The following HEATR5A variants were observed in gnomAD, a reference collection of about 807,000 sequenced individuals.
HEATR5A encodes the protein HEAT repeat containing 5A, also known as HEAT repeat-containing protein 5A.
Under a neutral mutation model 218.8 loss-of-function variants are expected in HEATR5A, and 178 were observed. That is an observed-to-expected ratio of 0.81 (90% CI 0.72 to 0.92). HEATR5A has a LOEUF of 0.92. Ranked by LOEUF, HEATR5A falls within the 40% of genes least tolerant of loss-of-function variation. The probability of loss-of-function intolerance (pLI) is 0.00; values close to 1 mark genes in which losing one functional copy is unlikely to be tolerated. For synonymous variants in HEATR5A, 864 were observed against 871.6 expected, an observed-to-expected ratio of 0.99 and a Z score of 0.15; for missense variants, 2,420 against 2,418.9, an observed-to-expected ratio of 1.00 and a Z score of -0.01.
At chr14:31,335,666 T>C (rs1243946065) in intron 22 of HEATR5A, among the ~76,000 whole-genome samples, 2 of 152,202 alleles carry the variant, frequency 1.3e-5, no homozygotes, top group Non-Finnish European at 2.9e-5. Flanking sequence ...ATTATTATTA[T>C]TTTTTGACAC....
At chr14:31,359,930 C>T (rs1421129078) in intron 14 of HEATR5A, among the ~76,000 whole-genome samples, 2 of 151,854 alleles carry the variant, frequency 1.3e-5, no homozygotes, top group Non-Finnish European at 2.9e-5. Context: ...CATTTCTCCA[C>T]ATTATTTTTA....
At chr14:31,295,241 G>C (rs1899141630) in intron 34 of HEATR5A, among the ~76,000 whole-genome samples, 1 of 152,000 alleles carries the variant, frequency 6.6e-6, no homozygotes, top group South Asian at 2.1e-4. Context: ...ATTACTGAAG[G>C]TATGTGCTGG....
intron 33 of HEATR5A, among the ~76,000 whole-genome samples, chr14:31,299,156 C>T (rs751483922): frequency 6.6e-6 from 1 of 152,160 alleles, no homozygotes; most frequent in Non-Finnish European, 1.5e-5. Context: ...CAGAAAGTAT[C>T]TCTAGCCCAG....
rs570745179 is a variant in HEATR5A, at chr14:31,413,618, C to G, written c.-75+6854G>C. On this transcript the variant is annotated intron_variant, in intron 1 of 35. Transcript: ENST00000543095. ...GCAGTAGGAACCAACTCTAAGATGT[C>G]AGTGACAGAAAAATGATTATTTTTT... 3.9e-5 allele frequency among the ~76,000 whole-genome samples: 6 copies of G among 152,170 alleles called. No individual in the cohort carries two copies. The East Asian group carries it at 1.2e-3, about 29-fold the overall frequency.
chr14:31,406,851 C>T (rs1349940279), intron 1 of HEATR5A, among the ~76,000 whole-genome samples: 4 of 151,712 alleles, frequency 2.6e-5, no homozygotes, highest in East Asian at 1.9e-4. Context: ...CCCCGTTACT[C>T]GGGAGGCTGA....
rs369257667 is a variant in HEATR5A, at chr14:31,383,545, T to C, written c.1572A>G (p.Leu524=). The change falls in exon 10 of 36, where the codon TTA becomes TTG. Residue 524 remains leucine, a synonymous_variant. Transcript: ENST00000543095. ...CCTTGCCTTTTCCATGAGGAATTCC[T>C]AAAGGACAATGTTTTACTGCTCCCA... ...ALLGAVKHCP[L]GIPHGKGKII... is the part of the protein sequence containing the mutation. The C allele has an allele frequency of 9.9e-6, 16 of 1,613,358 alleles. No homozygotes were observed. The African/African-American group carries it at 2.1e-4, about 22-fold the overall frequency.
Position 31,293,547 on chromosome 14 carries a change from C to G in HEATR5A, c.5899G>C (p.Gly1967Arg). 1 of 1,613,590 alleles carries G rather than the reference C, an allele frequency of 6.2e-7. No homozygotes were observed. The highest frequency in any genetic ancestry group is 8.5e-7 in the Non-Finnish European group (1 of 1,179,804). Residue 1967 changes from glycine (G) to arginine (R), a missense_variant, in exon 36 of 36, where the codon GGA becomes CGA. Physicochemically the swap from Gly to Arg is moderately radical, Grantham distance 125 (BLOSUM62 -2). Coordinates refer to ENST00000543095, the MANE Select transcript of HEATR5A (RefSeq NM_015473.4). ...TTTCTCATTATGGAAGTTGCTGATC[C>G]CAGAGAATTTTCATCCAAAAGGAAG... ...ISFLLDENSLGSATSIMRNLH... is the reference protein window; with the variant it reads ...ISFLLDENSLRSATSIMRNLH...
intron 18 of HEATR5A, 111 bp from the exon 19 acceptor site, chr14:31,348,018 A>C (rs1159789910): frequency 1.8e-6 from 1 of 553,286 alleles, no homozygotes; most frequent in African/African-American, 1.9e-5. Flanking sequence ...GGATAGTTGC[A>C]AAATTTAGAA....
chr14:31,301,204 T>G (rs774079679), intron 33 of HEATR5A, among the ~76,000 whole-genome samples: 2 of 152,102 alleles, frequency 1.3e-5, no homozygotes, highest in African/African-American at 2.4e-5. Flanking sequence ...TACAACACAC[T>G]AGTGAAAATA....
intron 21 of HEATR5A, chr14:31,340,561 T>A: frequency 1.2e-6 from 1 of 815,292 alleles, no homozygotes; most frequent in South Asian, 1.5e-5. Context: ...AGCTAAGCAT[T>A]AAAATATAAA....
At chr14:31,357,183 G>A (rs1430860548) in intron 16 of HEATR5A, among the ~76,000 whole-genome samples, 1 of 151,938 alleles carries the variant, frequency 6.6e-6, no homozygotes, top group African/African-American at 2.4e-5. Context: ...AAATACATTT[G>A]GAAAAAACAC....
intron 11 of HEATR5A, among the ~76,000 whole-genome samples, chr14:31,378,815 A>C (rs2029876949): frequency 1.3e-5 from 2 of 150,482 alleles, no homozygotes; most frequent in Non-Finnish European, 3.0e-5. Context: ...AAAAAAAAAC[A>C]CTACTTAAAG....
At chr14:31,409,409 G>A (rs984396963) in intron 1 of HEATR5A, among the ~76,000 whole-genome samples, 32 of 149,886 alleles carry the variant, frequency 2.1e-4, no homozygotes, top group African/African-American at 5.4e-4. Flanking sequence ...GTTAACAACC[G>A]TATTATCAGG....
At position 31,306,876 on chromosome 14, in the gene HEATR5A, A is replaced by T. The variant is rs781507843; in HGVS notation, c.4822T>A (p.Leu1608Met). 3.0e-5 allele frequency: 48 copies of T among 1,602,772 alleles called. No individual in the cohort carries two copies. The Admixed American group carries it at 8.2e-4, about 27-fold the overall frequency. ...AGAACATTCAGCAATTCTATACCCAAGTCCTATCATGGAAATCATGTACAG... is the reference window on the plus strand; with the variant it reads ...AGAACATTCAGCAATTCTATACCCATGTCCTATCATGGAAATCATGTACAG... Reference protein sequence around the residue: ...PRSKIGSDQDLGIELLNVLHR... With the variant: ...PRSKIGSDQDMGIELLNVLHR... The change falls in exon 31 of 36, where the codon TTG (leucine) becomes ATG (methionine). Residue 1608 changes from leucine to methionine, a missense_variant. Transcript: ENST00000543095.
chr14:31,365,179 A>C (rs979052998), intron 13 of HEATR5A, among the ~76,000 whole-genome samples: 1 of 151,696 alleles, frequency 6.6e-6, no homozygotes, highest in African/African-American at 2.4e-5. Flanking sequence ...GGCCAGGACT[A>C]CTACTTTTAA....
Position 31,308,929 on chromosome 14 carries a change from C to G in HEATR5A, c.4690+5G>C, listed in dbSNP as rs1477851628. 25 of 1,602,284 alleles carry G rather than the reference C, an allele frequency of 1.6e-5. No homozygotes were observed. Among genetic ancestry groups the G allele is most frequent in the Non-Finnish European group, 2.1e-5 (25 of 1,172,110 alleles). On this transcript the variant is annotated splice_donor_5th_base_variant and intron_variant, in intron 29 of 35. Coordinates refer to ENST00000543095, the MANE Select transcript of HEATR5A (RefSeq NM_015473.4). Reference sequence around the variant, plus strand: ...TTGTAAACTTGTAAAAGTGGTTTAACTGACCTAAAATAAGATGGAATCTAT... The same window carrying G: ...TTGTAAACTTGTAAAAGTGGTTTAAGTGACCTAAAATAAGATGGAATCTAT...
intron 11 of HEATR5A, among the ~76,000 whole-genome samples, chr14:31,379,583 T>A (rs1053571342): frequency 2.6e-5 from 4 of 152,192 alleles, no homozygotes; most frequent in Admixed American, 2.0e-4. Context: ...CTATAACTTG[T>A]ATGACAACAG....
chr14:31,374,833 C>T lies in HEATR5A; in HGVS notation c.1844G>A (p.Arg615Gln), dbSNP rs781682080. The T allele has an allele frequency of 8.1e-6, 13 of 1,613,166 alleles. No homozygotes were observed. Among genetic ancestry groups the T allele is most frequent in the South Asian group, 7.7e-5 (7 of 90,952 alleles). Reference sequence around the variant, plus strand: ...CAACCTACCACACAGTGCACCAGCTCGTCCTTCCAGGGTCACCTGCCATGT... The same window carrying T: ...CAACCTACCACACAGTGCACCAGCTTGTCCTTCCAGGGTCACCTGCCATGT... ...SFTWQVTLEG[R>Q]AGALCAIKSF... The change falls in exon 12 of 36, where the codon CGA becomes CAA. Residue 615 changes from arginine to glutamine, a missense_variant. Arg to Gln is a conservative substitution (Grantham distance 43). Transcript: ENST00000543095.
intron 1 of HEATR5A, among the ~76,000 whole-genome samples, chr14:31,416,940 A>G (rs1389788737): frequency 6.6e-6 from 1 of 152,182 alleles, no homozygotes; most frequent in Non-Finnish European, 1.5e-5. Flanking sequence ...CCTCTCTACA[A>G]AAAATACAAA....
Sources: gnomAD v4.1 joint callset for allele counts (sites outside exome capture counted in the v4.1 genomes callset) on GRCh38, gnomAD v4.1.1 for gene constraint, MANE v1.5 for transcripts, NCBI Gene and HGNC (gene_info 2026-07-23, HGNC 2026-07-21) for gene names.